PODXL2: variants seen among roughly 807,000 people sequenced by gnomAD.
PODXL2 encodes podocalyxin like 2.
Under a neutral mutation model 53.4 loss-of-function variants are expected in PODXL2, and 17 were observed. The observed-to-expected ratio is 0.32, with a 90% CI of 0.22 to 0.48. The LOEUF (loss-of-function observed/expected upper bound fraction) is 0.48. PODXL2 is among the 20% of genes least tolerant of loss of function. The pLI, the probability that PODXL2 is intolerant of heterozygous loss-of-function variation, is 0.99. For missense variants in PODXL2, 673 were observed against 760.0 expected, an observed-to-expected ratio of 0.89 and a Z score of 1.35; for synonymous variants, 311 against 306.7, an observed-to-expected ratio of 1.01 and a Z score of -0.15.
intron 4 of PODXL2, among the ~76,000 whole-genome samples, chr3:127,663,232 C>T (rs562741769): frequency 2.0e-5 from 3 of 152,252 alleles, no homozygotes; most frequent in Non-Finnish European, 4.4e-5. Flanking sequence ...TTCATCCCCT[C>T]TTCCAAAGGT....
intron 2 of PODXL2, among the ~76,000 whole-genome samples, chr3:127,657,904 C>T (rs773095641): frequency 3.9e-5 from 6 of 152,168 alleles, no homozygotes; most frequent in Non-Finnish European, 8.8e-5. Flanking sequence ...TGATTTCCTC[C>T]TGAATCTTTC....
At chr3:127,656,219 T>C (rs971921914) in intron 2 of PODXL2, among the ~76,000 whole-genome samples, 5 of 152,250 alleles carry the variant, frequency 3.3e-5, no homozygotes, top group African/African-American at 1.2e-4. Context: ...TTATCAGAAC[T>C]ATATCCAAAG....
At chr3:127,658,661 T>G (rs977770662) in intron 2 of PODXL2, among the ~76,000 whole-genome samples, 8 of 152,154 alleles carry the variant, frequency 5.3e-5, no homozygotes, top group African/African-American at 1.9e-4. Context: ...GTAATCTGTT[T>G]CTTGTTCCTT....
At chr3:127,662,405 G>A in intron 4 of PODXL2, 94 bp downstream of exon 4, 1 of 907,068 alleles carries the variant, frequency 1.1e-6, no homozygotes, top group South Asian at 1.5e-5. Context: ...AGCAGTGCGT[G>A]GGAGAAGGCT....
chr3:127,672,510 G>A lies in PODXL2; in HGVS notation c.*30G>A, dbSNP rs1054006157. On this transcript the variant is annotated 3_prime_UTR_variant, in exon 8 of 8. Transcript: ENST00000342480. ...AGCCGAGGCGCAGGCCGAGTGGGCC[G>A]CCAGGACCAAGCGAGGTGGACCCCG... 15 of 1,385,864 alleles carry A rather than the reference G, an allele frequency of 1.1e-5. No homozygotes were observed. In the Admixed American group the frequency reaches 1.9e-4, roughly 18 times the overall value. 85.8% of individuals were successfully genotyped at this position (1,385,864 alleles called of 1,614,324 possible). A position where few individuals can be genotyped will look rare whatever the true frequency, so the allele number is the denominator to read the frequency against.
At chr3:127,664,628 G>A (rs1044120680) in intron 4 of PODXL2, among the ~76,000 whole-genome samples, 1 of 152,046 alleles carries the variant, frequency 6.6e-6, no homozygotes, top group African/African-American at 2.4e-5. Flanking sequence ...CAGCACTAGG[G>A]TTCCAGTGTT....
At chr3:127,643,501 C>T (rs1196509871) in intron 2 of PODXL2, among the ~76,000 whole-genome samples, 8 of 152,148 alleles carry the variant, frequency 5.3e-5, no homozygotes, top group African/African-American at 1.9e-4. Context: ...TGAGCCACCA[C>T]ACCCAGCAAA....
At chr3:127,669,401 A>G (rs774454661) in intron 6 of PODXL2, among the ~76,000 whole-genome samples, 199 bp downstream of exon 6, 16 of 130,584 alleles carry the variant, frequency 1.2e-4, no homozygotes, top group Non-Finnish European at 2.4e-4. Context: ...GCTACCAACC[A>G]AAGGTCCAAT....
chr3:127,639,156 C>G (rs778186210), intron 1 of PODXL2, 89 bp from the exon 2 acceptor site: 13 of 1,330,354 alleles, frequency 9.8e-6, no homozygotes, highest in Non-Finnish European at 1.3e-5. Context: ...TTCCCCAGGA[C>G]CTTTGTCATT....
chr3:127,651,985 G>T lies in PODXL2; in HGVS notation c.350-8393G>T, dbSNP rs2074692216. Among the ~76,000 whole-genome samples, 4 of 152,320 alleles carry T rather than the reference G, an allele frequency of 2.6e-5. No individual in the cohort carries two copies. In the East Asian group the frequency reaches 5.8e-4, roughly 22 times the overall value. ...TTCAAGCCCAGCTTTAAGGAGGTTG[G>T]CTGCGGCCACAAAGGTACGGGCAGA... On this transcript the variant is annotated intron_variant, in intron 2 of 7. Coordinates refer to ENST00000342480, the MANE Select transcript of PODXL2 (RefSeq NM_015720.4).
In PODXL2 at chr3:127,660,948, C is replaced by T. The variant is rs1052314558; in HGVS notation, c.920C>T (p.Pro307Leu). 3.1e-6 allele frequency: 5 copies of T among 1,614,230 alleles called. No homozygotes were observed. Among genetic ancestry groups the T allele is most frequent in the Non-Finnish European group, 4.2e-6 (5 of 1,180,044 alleles). Reference sequence around the variant, plus strand: ...CAGCACGAGGAGGTGCCGGCCTTGCCTTCATTCCCTCAAACCACAGCTCCC... The same window carrying T: ...CAGCACGAGGAGGTGCCGGCCTTGCTTTCATTCCCTCAAACCACAGCTCCC... The part of the protein sequence containing the change: ...SGQHEEVPAL[P>L]SFPQTTAPSG... The change falls in exon 3 of 8, where the codon CCT (proline) becomes CTT (leucine). Residue 307 changes from proline (P) to leucine (L), a missense_variant. Transcript: ENST00000342480.
chr3:127,660,916 G>T lies in PODXL2; in HGVS notation c.888G>T (p.Leu296Phe). The change falls in exon 3 of 8, where the codon TTG becomes TTT. Residue 296 changes from leucine to phenylalanine, a missense_variant. Leu to Phe is a conservative substitution (Grantham distance 22, BLOSUM62 0). This residue lies in a region of PODXL2 where 588 missense variants were observed against 668.3 expected (regional missense o/e 0.88). Coordinates refer to ENST00000342480, the MANE Select transcript of PODXL2 (RefSeq NM_015720.4). The stretch of plus-strand genomic sequence containing the variant: ...AAGCCACTGCAGGAGCAGCTGGTTT[G>T]TCTGGCCAGCACGAGGAGGTGCCGG... ...SEEATAGAAGLSGQHEEVPAL... is the reference protein window; with the variant it reads ...SEEATAGAAGFSGQHEEVPAL... 1.2e-6 allele frequency: 2 copies of T among 1,614,256 alleles called. No individual in the cohort carries two copies. Among genetic ancestry groups the T allele is most frequent in the Non-Finnish European group, 1.7e-6 (2 of 1,180,042 alleles).
intron 2 of PODXL2, among the ~76,000 whole-genome samples, chr3:127,646,057 C>T (rs1330627886): frequency 6.6e-6 from 1 of 152,202 alleles, no homozygotes; most frequent in Non-Finnish European, 1.5e-5. Context: ...GCAGACAGGC[C>T]AATCTCAGAT....
intron 2 of PODXL2, among the ~76,000 whole-genome samples, chr3:127,641,208 G>A (rs920251821): frequency 1.2e-4 from 18 of 151,732 alleles, no homozygotes; most frequent in Non-Finnish European, 1.3e-4. Context: ...CACCGCACCC[G>A]GACAACATGT....
intron 2 of PODXL2, among the ~76,000 whole-genome samples, chr3:127,643,112 C>T (rs1241687884): frequency 6.6e-6 from 1 of 152,156 alleles, no homozygotes; most frequent in East Asian, 1.9e-4. Context: ...ACTAACTTTC[C>T]TCTGACATAC....
Position 127,629,411 on chromosome 3 carries a change from C to G in PODXL2, c.70+122C>G. The G allele has an allele frequency of 1.3e-6, 1 of 773,210 alleles. No homozygotes were observed. Among genetic ancestry groups the G allele is most frequent in the East Asian group, 1.3e-4 (1 of 7,918 alleles). The allele number at this position is 773,210 out of a possible 1,614,324, so 47.9% of individuals were successfully genotyped here. The stretch of plus-strand genomic sequence containing the variant: ...GGCGCCGCCGGGAGCGCGCGTGTCC[C>G]GGCCGGGCCGCGGCGCCGCCCCGAC... On this transcript the variant is annotated intron_variant, in intron 1 of 7. Transcript: ENST00000342480. The surrounding 1 kb of genome is among the most constrained non-coding windows in gnomAD (Gnocchi z 6.4).
intron 2 of PODXL2, 144 bp from the exon 3 acceptor site, chr3:127,660,234 C>G: frequency 1.1e-6 from 1 of 900,148 alleles, no homozygotes; most frequent in South Asian, 1.9e-5. Flanking sequence ...CTCCCACAGT[C>G]TGCTCCCCTG....
At chr3:127,634,444 T>C (rs2074565432) in intron 1 of PODXL2, among the ~76,000 whole-genome samples, 1 of 135,854 alleles carries the variant, frequency 7.4e-6, no homozygotes, top group Non-Finnish European at 1.6e-5. Flanking sequence ...AAAAGTTGAC[T>C]GGGCACAGTG....
chr3:127,661,156 G>GCAGGT lies in PODXL2; in HGVS notation c.1129_1131+2dup. 1.2e-6 allele frequency: 2 copies of GCAGGT among 1,612,536 alleles called. No individual in the cohort carries two copies. The highest frequency in any genetic ancestry group is 1.7e-6 in the Non-Finnish European group (2 of 1,178,824). On this transcript the variant is annotated frameshift_variant, in exon 3 of 8. Transcript: ENST00000342480. LOFTEE classifies it high-confidence loss of function. Reference sequence around the variant, plus strand: ...AATCCAGGATACCCTGGGATTCTACGCAGGTAAAGTGAGGGGCATGCGGGC... The same window carrying GCAGGT: ...AATCCAGGATACCCTGGGATTCTACGCAGGTCAGGTAAAGTGAGGGGCATGCGGGC...
Sources: gnomAD v4.1 joint callset for allele counts (sites outside exome capture counted in the v4.1 genomes callset) on GRCh38, gnomAD v4.1.1 for gene constraint, gnomAD v4.1.1 regional missense constraint, Gnocchi (gnomAD v3.1) non-coding constraint, MANE v1.5 for transcripts, NCBI Gene and HGNC (gene_info 2026-07-23, HGNC 2026-07-21) for gene names.